The following MYO1F variants were observed in gnomAD, a reference collection of about 807,000 sequenced individuals.
The protein encoded by MYO1F is myosin IF.
A neutral mutation model predicts 146.6 loss-of-function variants in MYO1F; 60 were observed. That is an observed-to-expected ratio of 0.41 (90% CI 0.33 to 0.51). MYO1F has a LOEUF of 0.51. Ranked by LOEUF, MYO1F falls within the 20% of genes least tolerant of loss-of-function variation. The pLI, the probability that MYO1F is intolerant of heterozygous loss-of-function variation, is 0.25. For missense variants in MYO1F, 1,274 were observed against 1,534.3 expected (o/e 0.83, Z 2.83); for synonymous variants, 602 against 602.1 (o/e 1.00, Z 0.00).
intron 12 of MYO1F, among the ~76,000 whole-genome samples, chr19:8,546,592 T>C (rs928341306): frequency 1.3e-5 from 2 of 152,178 alleles, no homozygotes; most frequent in East Asian, 3.9e-4. Flanking sequence ...ACCCCCAGGC[T>C]CAAGCGATCC....
chr19:8,545,443 T>C lies in MYO1F; in HGVS notation c.1356+207A>G, dbSNP rs1973302707. 3 of 618,266 alleles carry C rather than the reference T, an allele frequency of 4.9e-6. No individual in the cohort carries two copies. In the South Asian group the frequency reaches 5.3e-5, roughly 11 times the overall value. 38.3% of individuals were successfully genotyped at this position (618,266 alleles called of 1,614,324 possible). A position where few individuals can be genotyped will look rare whatever the true frequency, so the allele number is the denominator to read the frequency against. ...GGTTCCCGGGGAAATGTTTATTGAA[T>C]GATTAAGTGAAAGGTGGACAAGTAG... On this transcript the variant is annotated intron_variant, in intron 13 of 27. Transcript: ENST00000644032.
At chr19:8,545,794 C>T in intron 12 of MYO1F, 58 bp from the exon 13 acceptor site, 8 of 1,182,470 alleles carry the variant, frequency 6.8e-6, no homozygotes, top group Non-Finnish European at 6.4e-6. Context: ...GCCACCCTTC[C>T]CCCCATGTCC....
Position 8,522,560 on chromosome 19 carries a change from G to C in MYO1F, c.3051-14C>G. 1.9e-6 allele frequency: 3 copies of C among 1,610,350 alleles called. No homozygotes were observed. The highest frequency in any genetic ancestry group is 1.1e-5 in the South Asian group (1 of 90,536). On this transcript the variant is annotated splice_polypyrimidine_tract_variant and intron_variant, in intron 26 of 27. Transcript: ENST00000644032. ...TTCCTCTGCATGCTGTGGGCACAGG[G>C]GGTTTGAGTCACAGCCCCAGACACT... is the stretch of plus-strand genomic sequence containing the variant.
intron 14 of MYO1F, among the ~76,000 whole-genome samples, chr19:8,542,425 G>C (rs1973019085): frequency 6.6e-6 from 1 of 151,216 alleles, no homozygotes; most frequent in Admixed American, 6.6e-5. Flanking sequence ...GGCCAGTGCA[G>C]GGGGCCTGTG....
In MYO1F at chr19:8,522,757, C is replaced by T; in HGVS notation, c.2927G>A (p.Gly976Asp). 5 of 1,610,438 alleles carry T rather than the reference C, an allele frequency of 3.1e-6. No homozygotes were observed. The highest frequency in any genetic ancestry group is 4.2e-6 in the Non-Finnish European group (5 of 1,179,110). ...AGGGCCCCGGGGAGGCCTGTGGGTG[C>T]CCCCTCCAGACATGATCTCCAGGGG... The part of the protein sequence containing the change: ...PLPLEIMSGG[G>D]THRPPRGPPS... Residue 976 changes from glycine (G) to aspartate (D), a missense_variant, in exon 26 of 28, where the codon GGC (glycine) becomes GAC (aspartate). Physicochemically the swap from Gly to Asp is moderately conservative, Grantham distance 94. Transcript: ENST00000644032.
At position 8,553,894 on chromosome 19, in the gene MYO1F, A is replaced by ACT. The variant is rs530875155; in HGVS notation, c.327-459_327-458dup. 4.2e-3 allele frequency among the ~76,000 whole-genome samples: 433 copies of ACT among 102,636 alleles called. 4 individuals carry two copies. The highest frequency in any genetic ancestry group is 0.023 in the South Asian group (70 of 3,028). The allele number at this position is 102,636 out of a possible 152,430, so 67.3% of individuals were successfully genotyped here. A position where few individuals can be genotyped will look rare whatever the true frequency, so the allele number is the denominator to read the frequency against. ...CACACACACACACACACACACACAC[A>ACT]CTCTCTCTCTCTCTCTCTCTCTCTC... On this transcript the variant is annotated intron_variant, in intron 4 of 27. Transcript: ENST00000644032.
chr19:8,550,779 G>A (rs1021741717), intron 8 of MYO1F, 85 bp from the exon 9 acceptor site: 17 of 1,589,662 alleles, frequency 1.1e-5, no homozygotes, highest in African/African-American at 6.7e-5. Context: ...ACCACAGCAC[G>A]GACTCAGGGA....
chr19:8,536,167 GTCTCTC>G, intron 19 of MYO1F, 79 bp downstream of exon 19: 8 of 1,367,248 alleles, frequency 5.9e-6, no homozygotes, highest in African/African-American at 1.5e-5. Context: ...GTCTCCCTCT[GTCTCTC>G]TCTCTCTCTC....
chr19:8,560,577 T>G (rs1414091772), intron 1 of MYO1F, among the ~76,000 whole-genome samples: 2 of 151,348 alleles, frequency 1.3e-5, no homozygotes, highest in Non-Finnish European at 2.9e-5. Flanking sequence ...TTTTGTTTTG[T>G]TTTGGTTTGG....
chr19:8,526,708 TTCGGCCGGG>T (rs1314078313), intron 23 of MYO1F, 72 bp downstream of exon 23: 1 of 1,533,558 alleles, frequency 6.5e-7, no homozygotes, highest in African/African-American at 1.4e-5. Flanking sequence ...CGAAGCGCAG[TTCGGCCGGG>T]TCGGTGGGGC....
chr19:8,521,697 A>C (rs917021962), intron 27 of MYO1F, 93 bp from the exon 28 acceptor site: 10 of 1,188,004 alleles, frequency 8.4e-6, no homozygotes, highest in African/African-American at 1.5e-5. Context: ...GGGACTCCCT[A>C]TGTTGTCCAG....
intron 1 of MYO1F, among the ~76,000 whole-genome samples, chr19:8,559,133 A>G (rs1408582519): frequency 6.6e-6 from 1 of 151,572 alleles, no homozygotes; most frequent in Non-Finnish European, 1.5e-5. Flanking sequence ...TCCTGCCTCG[A>G]TCTTCCAAAC....
chr19:8,548,169 A>G, intron 11 of MYO1F, 47 bp from the exon 12 acceptor site: 1 of 1,613,370 alleles, frequency 6.2e-7, no homozygotes, highest in Non-Finnish European at 8.5e-7. Flanking sequence ...CTGGTGCTGG[A>G]AGTTCTTGTG....
chr19:8,527,608 A>G, intron 21 of MYO1F, 125 bp from the exon 22 acceptor site: 1 of 1,169,954 alleles, frequency 8.5e-7, no homozygotes, highest in Non-Finnish European at 1.2e-6. Flanking sequence ...CTCCAGGTGA[A>G]GGTGTATGAG....
intron 1 of MYO1F, among the ~76,000 whole-genome samples, chr19:8,570,367 G>C (rs1555731547): frequency 1.3e-5 from 2 of 149,918 alleles, no homozygotes; most frequent in African/African-American, 4.9e-5. Flanking sequence ...ACTGCACCCA[G>C]CCACATTTTT....
In MYO1F at chr19:8,522,848, T is replaced by C; in HGVS notation, c.2855-19A>G. 1 of 1,543,300 alleles carries C rather than the reference T, an allele frequency of 6.5e-7. No homozygotes were observed. Among genetic ancestry groups the C allele is most frequent in the Non-Finnish European group, 8.7e-7 (1 of 1,148,432 alleles). ...TCCATGCCTGTGGCAGGAGCAAGGA[T>C]GAAGACATGTATTAGGGTGATGCTA... On this transcript the variant is annotated intron_variant, in intron 25 of 27. Coordinates refer to ENST00000644032, the MANE Select transcript of MYO1F (RefSeq NM_012335.4).
At position 8,526,487 on chromosome 19, in the gene MYO1F, C is replaced by G. The variant is rs1024877291; in HGVS notation, c.2736G>C (p.Thr912=). ...TGGGCAGCCCATCGCCCACGCTGACCGTGAGGGTCCGACCGCCAACCTTGA... is the reference window on the plus strand; with the variant it reads ...TGGGCAGCCCATCGCCCACGCTGACGGTGAGGGTCCGACCGCCAACCTTGA... The part of the protein sequence containing the change: ...AVLKVGGRTL[T]VSVGDGLPKS... Residue 912 remains threonine, a synonymous_variant, in exon 24 of 28, where the codon ACG becomes ACC. Coordinates refer to ENST00000644032, the MANE Select transcript of MYO1F (RefSeq NM_012335.4). 1.9e-6 allele frequency: 3 copies of G among 1,568,248 alleles called. No homozygotes were observed. The highest frequency in any genetic ancestry group is 1.7e-6 in the Non-Finnish European group (2 of 1,156,918).
Position 8,553,482 on chromosome 19 carries a change from C to T in MYO1F, c.327-45G>A, listed in dbSNP as rs202149252. ...TAAATGATCAGTGGTTGGGGAAGAG[C>T]CCTTTTTAGTGCCTGACCATTCATT... On this transcript the variant is annotated intron_variant, in intron 4 of 27. Coordinates refer to ENST00000644032, the MANE Select transcript of MYO1F (RefSeq NM_012335.4). 5.2e-6 allele frequency: 8 copies of T among 1,537,054 alleles called. No individual in the cohort carries two copies. The Admixed American group carries it at 1.3e-4, about 26-fold the overall frequency.
In MYO1F at chr19:8,556,225, TCA is replaced by T. The variant is rs777482281; in HGVS notation, c.4-431_4-430del. Among the ~76,000 whole-genome samples the T allele has an allele frequency of 3.3e-3, 503 of 151,370 alleles. 1 individual carries two copies. Among genetic ancestry groups the T allele is most frequent in the Non-Finnish European group, 5.6e-3 (379 of 67,786 alleles). ...TAATATTTTTGGTAGAGATGGGGTTTCACCATGTTGGCCAGGCTGGTCTGGAA... is the reference window on the plus strand; with the variant it reads ...TAATATTTTTGGTAGAGATGGGGTTTCCATGTTGGCCAGGCTGGTCTGGAA... On this transcript the variant is annotated intron_variant, in intron 1 of 27. Transcript: ENST00000644032.
Sources: allele counts gnomAD v4.1 joint callset (sites outside exome capture counted in the v4.1 genomes callset), GRCh38; gene constraint gnomAD v4.1.1; transcripts MANE v1.5; gene names NCBI Gene and HGNC (gene_info 2026-07-23, HGNC 2026-07-21).